Variants in UFL1 observed in about 807,000 individuals in gnomAD.
The protein encoded by UFL1 is UFM1 specific ligase 1, also known as E3 UFM1-protein ligase 1.
Under a neutral mutation model 99.3 loss-of-function variants are expected in UFL1, and 78 were observed. The ratio of observed to expected loss-of-function variants is 0.79; its 90% CI spans 0.65 to 0.95. The LOEUF (loss-of-function observed/expected upper bound fraction) is 0.95, where lower values mean the gene tolerates loss of function less well. Among genes scored for constraint, UFL1 ranks in the 40% least tolerant of loss-of-function variants. The pLI is 0.00. For synonymous variants in UFL1, 335 were observed against 322.2 expected (o/e 1.04, Z -0.42); for missense variants, 936 against 937.0 (o/e 1.00, Z 0.01).
intron 13 of UFL1, among the ~76,000 whole-genome samples, chr6:96,548,571 C>T (rs1770032906): frequency 6.6e-6 from 1 of 151,502 alleles, no homozygotes; most frequent in Non-Finnish European, 1.5e-5. Context: ...GAGAAAAAGA[C>T]CGGCATTAAC....
At chr6:96,547,583 G>T (rs1770018028) in intron 12 of UFL1, among the ~76,000 whole-genome samples, 1 of 151,592 alleles carries the variant, frequency 6.6e-6, no homozygotes, top group Non-Finnish European at 1.5e-5. Context: ...GTCCACCAAT[G>T]ATTGACTGGA....
chr6:96,540,776 C>T (rs9486519), intron 11 of UFL1, 121 bp downstream of exon 11: 2 of 1,144,976 alleles, frequency 1.7e-6, no homozygotes, highest in Non-Finnish European at 2.4e-6. Flanking sequence ...CTTTAAACAG[C>T]TAATATCAAC....
intron 7 of UFL1, among the ~76,000 whole-genome samples, 180 bp downstream of exon 7, chr6:96,534,501 C>T (rs569295308): frequency 6.6e-6 from 1 of 150,830 alleles, no homozygotes; most frequent in South Asian, 2.1e-4. Flanking sequence ...ACTCACCAAA[C>T]GTTTAATATT....
At position 96,528,543 on chromosome 6, in the gene UFL1, T is replaced by C. The variant is rs139419478; in HGVS notation, c.507T>C (p.Ile169=). 5.0e-6 allele frequency: 8 copies of C among 1,613,752 alleles called. No homozygotes were observed. The African/African-American group carries it at 1.1e-4, about 22-fold the overall frequency. The change falls in exon 6 of 19, where the codon ATT becomes ATC. Residue 169 remains isoleucine (I), a synonymous_variant. Coordinates refer to ENST00000369278, the MANE Select transcript of UFL1 (RefSeq NM_015323.5). ...TTGGTAGAATTATCAGTGGACATAT[T>C]GATCTTGATAATAGAGGAGTAATTT... is the stretch of plus-strand genomic sequence containing the variant. The part of the protein sequence containing the change: ...QRLGRIISGH[I]DLDNRGVIFT...
chr6:96,526,009 C>A (rs1471275694), intron 4 of UFL1, among the ~76,000 whole-genome samples: 2 of 151,616 alleles, frequency 1.3e-5, no homozygotes, highest in Non-Finnish European at 2.9e-5. Context: ...TTGCTTGATC[C>A]CAGGAGGTCA....
At chr6:96,536,650 G>A (rs776997600) in intron 8 of UFL1, among the ~76,000 whole-genome samples, 55 of 151,694 alleles carry the variant, frequency 3.6e-4, no homozygotes, top group Non-Finnish European at 5.5e-4. Context: ...TAGTTCTATA[G>A]TTACTGAACA....
chr6:96,545,978 C>G (rs936472927), intron 12 of UFL1, among the ~76,000 whole-genome samples: 1 of 151,164 alleles, frequency 6.6e-6, no homozygotes, highest in African/African-American at 2.4e-5. Context: ...GATGTCTACT[C>G]TCACCACTCC....
At chr6:96,523,030 T>C in intron 1 of UFL1, 116 bp from the exon 2 acceptor site, 1 of 949,274 alleles carries the variant, frequency 1.1e-6, no homozygotes, top group Non-Finnish European at 1.5e-6. Flanking sequence ...TATTGTGATG[T>C]AGAAGTTAGT....
rs1051107436 is a variant in UFL1, at chr6:96,554,677, T to C, written c.*1174T>C. 4 of 152,612 alleles carry C rather than the reference T, an allele frequency of 2.6e-5. No homozygotes were observed. In the East Asian group the frequency reaches 7.7e-4, roughly 29 times the overall value. 9.5% of individuals were successfully genotyped at this position (152,612 alleles called of 1,614,324 possible). ...AACTTTATATTTTAAAATATTTGAATACGAAAAGATCAGTCTACCTCTACT... is the reference window on the plus strand; with the variant it reads ...AACTTTATATTTTAAAATATTTGAACACGAAAAGATCAGTCTACCTCTACT... On this transcript the variant is annotated 3_prime_UTR_variant, in exon 19 of 19. Coordinates refer to ENST00000369278, the MANE Select transcript of UFL1 (RefSeq NM_015323.5).
chr6:96,522,031 G>C (rs941571087), intron 1 of UFL1, 81 bp downstream of exon 1: 20 of 1,448,274 alleles, frequency 1.4e-5, no homozygotes, highest in Admixed American at 1.2e-4. Flanking sequence ...TTAGACCCGC[G>C]GCCCTGCATC....
chr6:96,529,205 A>G (rs1436551741), intron 6 of UFL1, among the ~76,000 whole-genome samples: 1 of 152,226 alleles, frequency 6.6e-6, no homozygotes, highest in Non-Finnish European at 1.5e-5. Flanking sequence ...CATAGAATTC[A>G]GAAAACCTAT....
Position 96,553,934 on chromosome 6 carries a change from T to A in UFL1, c.*431T>A, listed in dbSNP as rs1241559133. ...AAGCAGAAATTTAAAATGTGGTCTT[T>A]TTTTTTTAAAAGAAACACTTCTGTG... On this transcript the variant is annotated 3_prime_UTR_variant, in exon 19 of 19. Coordinates refer to ENST00000369278, the MANE Select transcript of UFL1 (RefSeq NM_015323.5). 1 of 152,660 alleles carries A rather than the reference T, an allele frequency of 6.6e-6. No homozygotes were observed. Among genetic ancestry groups the A allele is most frequent in the East Asian group, 1.9e-4 (1 of 5,216 alleles). 9.5% of individuals were successfully genotyped at this position (152,660 alleles called of 1,614,324 possible). A position where few individuals can be genotyped will look rare whatever the true frequency, so the allele number is the denominator to read the frequency against.
At chr6:96,540,791 T>C (rs1769920686) in intron 11 of UFL1, 136 bp downstream of exon 11, 2 of 1,038,308 alleles carry the variant, frequency 1.9e-6, no homozygotes, top group Non-Finnish European at 2.7e-6. Context: ...ATCAACCAAA[T>C]ATTTTGCTAA....
Position 96,540,691 on chromosome 6 carries a change from G to T in UFL1, c.1279+36G>T. 1.9e-6 allele frequency: 3 copies of T among 1,579,314 alleles called. No homozygotes were observed. In the South Asian group the frequency reaches 3.6e-5, roughly 19 times the overall value. On this transcript the variant is annotated intron_variant, in intron 11 of 18. Transcript: ENST00000369278. ...GTTAACAAGGAATATTCAAAGTTTT[G>T]TATTTGTTGCAGTGAACTTTGCATT...
chr6:96,550,032 G>GT (rs1256549191), intron 15 of UFL1, among the ~76,000 whole-genome samples: 1 of 151,828 alleles, frequency 6.6e-6, no homozygotes, highest in Admixed American at 6.6e-5. Flanking sequence ...AGAATAAACA[G>GT]TTTTTTCCCT....
chr6:96,528,112 G>A (rs748318792), intron 5 of UFL1, among the ~76,000 whole-genome samples: 1 of 152,088 alleles, frequency 6.6e-6, no homozygotes, highest in Non-Finnish European at 1.5e-5. Flanking sequence ...CTCCAGAAAG[G>A]GTCTTCTCCA....
intron 12 of UFL1, among the ~76,000 whole-genome samples, chr6:96,544,348 TAAACTTAATGAAACCATG>T (rs1329816813): frequency 6.6e-6 from 1 of 150,678 alleles, no homozygotes; most frequent in East Asian, 1.9e-4. Flanking sequence ...TTAAAAAAGG[TAAACTTAATGAAACCATG>T]ATACTGCCCT....
Position 96,540,580 on chromosome 6 carries a change from A to G in UFL1, c.1204A>G (p.Lys402Glu). The G allele has an allele frequency of 6.2e-7, 1 of 1,607,314 alleles. No individual in the cohort carries two copies. The highest frequency in any genetic ancestry group is 8.5e-7 in the Non-Finnish European group (1 of 1,176,542). ...PVHLITEEDL[K>E]QISTLESVST... ...GCATTTAATCACTGAAGAAGATCTG[A>G]AACAAATCTCCACTTTAGAAAGCGT... The change falls in exon 11 of 19, where the codon AAA becomes GAA. Residue 402 changes from lysine to glutamate, a missense_variant. Transcript: ENST00000369278.
In UFL1 at chr6:96,545,630, C is replaced by T. The variant is rs4286792; in HGVS notation, c.1403-2534C>T. On this transcript the variant is annotated intron_variant, in intron 12 of 18. Coordinates refer to ENST00000369278, the MANE Select transcript of UFL1 (RefSeq NM_015323.5). Reference sequence around the variant, plus strand: ...TTTTTATAAAGGAGGAAAAACTGCCCGGTATTCCTTGTTCAACAAAGATAA... The same window carrying T: ...TTTTTATAAAGGAGGAAAAACTGCCTGGTATTCCTTGTTCAACAAAGATAA... Among the ~76,000 whole-genome samples the T allele has an allele frequency of 2.6e-4, 39 of 150,858 alleles. No individual in the cohort carries two copies. In the South Asian group the frequency reaches 7.5e-3, roughly 29 times the overall value.
Sources: allele counts gnomAD v4.1 joint callset (sites outside exome capture counted in the v4.1 genomes callset), GRCh38; gene constraint gnomAD v4.1.1; transcripts MANE v1.5; gene names NCBI Gene and HGNC (gene_info 2026-07-23, HGNC 2026-07-21).